The following LGALS9 variants were observed in gnomAD, a reference collection of about 807,000 sequenced individuals.
LGALS9 encodes galectin 9.
In LGALS9, 26 loss-of-function variants were observed where a neutral mutation model predicts 35.9. The observed-to-expected ratio is 0.72, with a 90% CI of 0.53 to 1.01. The LOEUF is 1.01. LGALS9 is among the 50% of genes least tolerant of loss of function. LGALS9 has a pLI of 0.00. For synonymous variants in LGALS9, 149 were observed against 172.2 expected, an observed-to-expected ratio of 0.87 and a Z score of 1.06; for missense variants, 347 against 445.8, an observed-to-expected ratio of 0.78 and a Z score of 1.99.
At position 27,649,015 on chromosome 17, in the gene LGALS9, G is replaced by T. The variant is rs533463329; in HGVS notation, c.*33G>T. ...CCTGGCCCTGGGGCCGGGGGCTGGG[G>T]TGTGGGGCAGTCTGGGTCCTCTCAT... On this transcript the variant is annotated 3_prime_UTR_variant, in exon 11 of 11. Coordinates refer to ENST00000395473, the MANE Select transcript of LGALS9 (RefSeq NM_009587.3). 1 of 1,613,612 alleles carries T rather than the reference G, an allele frequency of 6.2e-7. No individual in the cohort carries two copies. The highest frequency in any genetic ancestry group is 8.5e-7 in the Non-Finnish European group (1 of 1,179,706).
chr17:27,642,106 T>A, intron 3 of LGALS9, 132 bp from the exon 4 acceptor site: 1 of 1,499,642 alleles, frequency 6.7e-7, no homozygotes. Flanking sequence ...CACACACACG[T>A]TCCTGTAACT....
chr17:27,636,498 T>G (rs1452145976), intron 1 of LGALS9, among the ~76,000 whole-genome samples: 2 of 152,154 alleles, frequency 1.3e-5, no homozygotes, highest in African/African-American at 2.4e-5. Context: ...AAGACAGGAT[T>G]TCACTTTGTT....
At chr17:27,640,056 G>T (rs2151292791) in intron 2 of LGALS9, among the ~76,000 whole-genome samples, 1 of 151,528 alleles carries the variant, frequency 6.6e-6, no homozygotes, top group East Asian at 1.9e-4. Flanking sequence ...TTTTTAACTA[G>T]AGATGAGCTC....
rs138666349 is a variant in LGALS9, at chr17:27,648,946, G to T, written c.1032G>T (p.Val344=). The change falls in exon 11 of 11, where the codon GTG becomes GTT. Residue 344 remains valine (V), a synonymous_variant. Coordinates refer to ENST00000395473, the MANE Select transcript of LGALS9 (RefSeq NM_009587.3). ...TGCCCACCATCAACAGACTGGAAGT[G>T]GGGGGCGACATCCAGCTGACCCATG... The part of the protein sequence containing the change: ...RNLPTINRLE[V]GGDIQLTHVQ... 2 of 1,613,842 alleles carry T rather than the reference G, an allele frequency of 1.2e-6. No homozygotes were observed. The highest frequency in any genetic ancestry group is 1.7e-5 in the Admixed American group (1 of 59,998).
chr17:27,648,878 G>T lies in LGALS9; in HGVS notation c.964G>T (p.Asp322Tyr). The T allele has an allele frequency of 6.2e-7, 1 of 1,613,936 alleles. No individual in the cohort carries two copies. Among genetic ancestry groups the T allele is most frequent in the Non-Finnish European group, 8.5e-7 (1 of 1,179,862 alleles). The change falls in exon 11 of 11, where the codon GAT becomes TAT. Residue 322 changes from aspartate (D) to tyrosine (Y), a missense_variant. Transcript: ENST00000395473. ...AGCTCACTGCCTCAAGGTGGCCGTGGATGGTCAGCACCTGTTTGAATACTA... is the reference window on the plus strand; with the variant it reads ...AGCTCACTGCCTCAAGGTGGCCGTGTATGGTCAGCACCTGTTTGAATACTA... Reference protein sequence around the residue: ...CEAHCLKVAVDGQHLFEYYHR... With the variant: ...CEAHCLKVAVYGQHLFEYYHR...
At position 27,649,165 on chromosome 17, in the gene LGALS9, CG is replaced by C. The variant is rs927175457; in HGVS notation, c.*187del. 1.1e-6 allele frequency: 1 copy of C among 943,698 alleles called. No individual in the cohort carries two copies. Among genetic ancestry groups the C allele is most frequent in the Non-Finnish European group, 1.6e-6 (1 of 634,528 alleles). The allele number at this position is 943,698 out of a possible 1,614,324, so 58.5% of individuals were successfully genotyped here. On this transcript the variant is annotated 3_prime_UTR_variant, in exon 11 of 11. Transcript: ENST00000395473. ...ACCCTGGAACGGAGAAGGCAGCTGA[CG>C]GGGATTGCCTTCCTCAGCCGCAGCA...
chr17:27,634,027 T>C (rs183046091), intron 1 of LGALS9, among the ~76,000 whole-genome samples: 190 of 152,352 alleles, frequency 1.2e-3, no homozygotes, highest in Non-Finnish European at 2.1e-3. Flanking sequence ...GTTGTTTTCC[T>C]GGGTTTTCTG....
At chr17:27,631,620 C>T (rs963197487) in intron 1 of LGALS9, among the ~76,000 whole-genome samples, 15 of 152,058 alleles carry the variant, frequency 9.9e-5, no homozygotes, top group Admixed American at 5.2e-4. Flanking sequence ...GAAGCAAGCA[C>T]GCTTCTGGGA....
chr17:27,646,760 A>G (rs1229314354), intron 8 of LGALS9, among the ~76,000 whole-genome samples, 172 bp downstream of exon 8: 1 of 152,190 alleles, frequency 6.6e-6, no homozygotes, highest in Non-Finnish European at 1.5e-5. Context: ...GGAGCTTTCA[A>G]CCTTAAAACT....
intron 7 of LGALS9, 84 bp from the exon 8 acceptor site, chr17:27,646,463 T>C (rs1319598275): frequency 3.2e-5 from 51 of 1,602,586 alleles, no homozygotes; most frequent in Middle Eastern, 2.3e-4. Flanking sequence ...AGTGGAGTCC[T>C]CTCTAGAACG....
chr17:27,631,777 G>C (rs2074395846), intron 1 of LGALS9, among the ~76,000 whole-genome samples: 1 of 152,028 alleles, frequency 6.6e-6, no homozygotes, highest in Non-Finnish European at 1.5e-5. Flanking sequence ...CCCACTCCCA[G>C]GGTTGGGATA....
At chr17:27,638,142 C>G in intron 1 of LGALS9, 121 bp from the exon 2 acceptor site, 2 of 800,268 alleles carry the variant, frequency 2.5e-6, no homozygotes, top group Non-Finnish European at 4.3e-6. Context: ...GTACTGGTCA[C>G]AGCCGCACCC....
intron 9 of LGALS9, 32 bp from the exon 10 acceptor site, chr17:27,647,238 G>T (rs1905020357): frequency 6.2e-7 from 1 of 1,613,334 alleles, no homozygotes. Context: ...AGAATTCGGT[G>T]GATAAAGGTT....
At chr17:27,631,365 C>G in intron 1 of LGALS9, 61 bp downstream of exon 1, 1 of 1,610,280 alleles carries the variant, frequency 6.2e-7, no homozygotes, top group Admixed American at 1.7e-5. Context: ...CTCTGGGGCT[C>G]TGAGGAAGCA....
At chr17:27,634,684 G>C (rs945376747) in intron 1 of LGALS9, among the ~76,000 whole-genome samples, 3 of 152,090 alleles carry the variant, frequency 2.0e-5, no homozygotes, top group African/African-American at 7.2e-5. Context: ...TCCTTTTATA[G>C]GATCCTTGTG....
chr17:27,639,305 C>G (rs1205189101), intron 2 of LGALS9, among the ~76,000 whole-genome samples: 6 of 152,118 alleles, frequency 3.9e-5, no homozygotes, highest in Non-Finnish European at 8.8e-5. Flanking sequence ...GGAATCAGGA[C>G]CATGACCCTG....
chr17:27,638,034 C>T, intron 1 of LGALS9, among the ~76,000 whole-genome samples: 1 of 152,152 alleles, frequency 6.6e-6, no homozygotes, highest in East Asian at 1.9e-4. Context: ...CAGGGCCAGG[C>T]TTCTCCTTAT....
In LGALS9 at chr17:27,640,600, A is replaced by G. The variant is rs371419915; in HGVS notation, c.160A>G (p.Ser54Gly). 2 of 1,614,028 alleles carry G rather than the reference A, an allele frequency of 1.2e-6. No homozygotes were observed. The highest frequency in any genetic ancestry group is 1.3e-5 in the African/African-American group (1 of 74,944). ...RFAVNFQTGFSGNDIAFHFNP... is the reference protein window; with the variant it reads ...RFAVNFQTGFGGNDIAFHFNP... ...TGCTGTGAACTTTCAGACTGGCTTCAGTGGAAATGACATTGCCTTCCACTT... is the reference window on the plus strand; with the variant it reads ...TGCTGTGAACTTTCAGACTGGCTTCGGTGGAAATGACATTGCCTTCCACTT... The change falls in exon 3 of 11, where the codon AGT becomes GGT. Residue 54 changes from serine (S) to glycine (G), a missense_variant. Transcript: ENST00000395473.
At chr17:27,632,199 C>T (rs1462261180) in intron 1 of LGALS9, among the ~76,000 whole-genome samples, 2 of 149,760 alleles carry the variant, frequency 1.3e-5, no homozygotes, top group African/African-American at 4.9e-5. Flanking sequence ...GATCTCACCC[C>T]GCCTTGGCAA....
Sources: gnomAD v4.1 joint callset for allele counts (sites outside exome capture counted in the v4.1 genomes callset) on GRCh38, gnomAD v4.1.1 for gene constraint, MANE v1.5 for transcripts, NCBI Gene and HGNC (gene_info 2026-07-23, HGNC 2026-07-21) for gene names.